Variants in IL5RA observed in about 807,000 individuals in gnomAD.
IL5RA encodes the protein interleukin-5 receptor subunit alpha.
A neutral mutation model predicts 50.0 loss-of-function variants in IL5RA; 49 were observed. The ratio of observed to expected loss-of-function variants is 0.98; its 90% CI spans 0.78 to 1.24. The LOEUF (loss-of-function observed/expected upper bound fraction) is 1.24, where lower values mean the gene tolerates loss of function less well. Ranked by LOEUF, IL5RA falls within the 50% of genes most tolerant of loss-of-function variation. The pLI, the probability that IL5RA is intolerant of heterozygous loss-of-function variation, is 0.00. For missense variants in IL5RA, 600 were observed against 500.4 expected (o/e 1.20, Z -1.90); for synonymous variants, 202 against 174.0 (o/e 1.16, Z -1.26).
intron 11 of IL5RA, among the ~76,000 whole-genome samples, chr3:3,073,141 A>G (rs1224866685): frequency 6.6e-6 from 1 of 152,254 alleles, no homozygotes; most frequent in Non-Finnish European, 1.5e-5. Flanking sequence ...TACTTCAGTC[A>G]GCTAGTAACT....
chr3:3,100,562 T>C (rs949025715), intron 5 of IL5RA, among the ~76,000 whole-genome samples: 3 of 152,236 alleles, frequency 2.0e-5, no homozygotes, highest in African/African-American at 7.2e-5. Context: ...CTTATAGTTC[T>C]CATCCAAAGA....
chr3:3,076,476 TA>T, intron 10 of IL5RA, 54 bp downstream of exon 10: 1 of 1,129,346 alleles, frequency 8.9e-7, no homozygotes, highest in Non-Finnish European at 1.3e-6. Context: ...GGTAAGCCTG[TA>T]AAAATGCAGT....
chr3:3,089,688 G>A (rs1046757471), intron 9 of IL5RA, among the ~76,000 whole-genome samples: 5 of 151,790 alleles, frequency 3.3e-5, no homozygotes. Flanking sequence ...GAGTACAGTG[G>A]CGCAATCTTG....
rs1384097028 is a variant in IL5RA, at chr3:3,095,376, T to C, written c.778A>G (p.Lys260Glu). The C allele has an allele frequency of 2.5e-6, 4 of 1,610,172 alleles. No homozygotes were observed. In the African/African-American group the frequency reaches 5.3e-5, roughly 22 times the overall value. ...TGGATTGGAAAAGCAGACACTGGTT[T>C]CTCCCATTGGATAGAGAGACGAGTT... ...EGTRLSIQWE[K>E]PVSAFPIHCF... Residue 260 changes from lysine to glutamate, a missense_variant, in exon 8 of 12, where the codon AAA becomes GAA. Transcript: ENST00000446632.
intron 2 of IL5RA, among the ~76,000 whole-genome samples, chr3:3,106,420 A>G (rs1703923862): frequency 6.6e-6 from 1 of 152,174 alleles, no homozygotes; most frequent in Non-Finnish European, 1.5e-5. Context: ...AAATGCCAAA[A>G]CAGCAGGAAA....
chr3:3,080,331 GC>G (rs1238386096), intron 9 of IL5RA, among the ~76,000 whole-genome samples: 1 of 152,190 alleles, frequency 6.6e-6, no homozygotes, highest in Non-Finnish European at 1.5e-5. Context: ...GAGTAAGTCA[GC>G]CCAGGCCACA....
rs1363063764 is a variant in IL5RA at position 3,066,600 on chromosome 3, C to T, written c.*3625G>A. ...GATTGTTTTCAGTTCTCTGTTCTCA[C>T]TTCCAGATATCTACTTTTTCTTTAA... is the stretch of plus-strand genomic sequence containing the variant. On this transcript the variant is annotated 3_prime_UTR_variant, in exon 12 of 12. Coordinates refer to ENST00000446632, the MANE Select transcript of IL5RA (RefSeq NM_175726.4). 1 of 152,234 alleles carries T rather than the reference C, an allele frequency of 6.6e-6. No individual in the cohort carries two copies. Among genetic ancestry groups the T allele is most frequent in the African/African-American group, 2.4e-5 (1 of 41,458 alleles). 9.4% of individuals were successfully genotyped at this position (152,234 alleles called of 1,614,324 possible). A position where few individuals can be genotyped will look rare whatever the true frequency, so the allele number is the denominator to read the frequency against.
At chr3:3,084,703 G>C (rs1702789968) in intron 9 of IL5RA, among the ~76,000 whole-genome samples, 1 of 152,224 alleles carries the variant, frequency 6.6e-6, no homozygotes, top group Non-Finnish European at 1.5e-5. Flanking sequence ...AAGAACCCAG[G>C]TGTGGAGCCA....
intron 5 of IL5RA, among the ~76,000 whole-genome samples, chr3:3,100,695 T>TA (rs1162397992): frequency 6.6e-6 from 1 of 152,186 alleles, no homozygotes; most frequent in East Asian, 1.9e-4. Flanking sequence ...GCCTCATAGG[T>TA]AAAATCCAGT....
At chr3:3,080,211 C>T (rs1040149165) in intron 9 of IL5RA, among the ~76,000 whole-genome samples, 8 of 152,216 alleles carry the variant, frequency 5.3e-5, no homozygotes, top group African/African-American at 1.9e-4. Flanking sequence ...TGCTCAGATA[C>T]TGTGTAAAGT....
intron 2 of IL5RA, among the ~76,000 whole-genome samples, chr3:3,107,862 T>A (rs1575015890): frequency 6.6e-6 from 1 of 152,226 alleles, no homozygotes; most frequent in Non-Finnish European, 1.5e-5. Context: ...TAGCAGTGGA[T>A]TTCCCCAGCG....
chr3:3,094,581 A>T (rs934628676), intron 8 of IL5RA, among the ~76,000 whole-genome samples: 1 of 152,164 alleles, frequency 6.6e-6, no homozygotes. Context: ...GTGTACAAAC[A>T]TCTCTTTGAA....
At position 3,092,333 on chromosome 3, in the gene IL5RA, G is replaced by C. The variant is rs1204860809; in HGVS notation, c.885C>G (p.Ile295Met). ...QIEKLMTNAFISIIDDLSKYD... is the reference protein window; with the variant it reads ...QIEKLMTNAFMSIIDDLSKYD... The stretch of plus-strand genomic sequence containing the variant: ...ACTTAGAAAGATCATCAATTATTGA[G>C]ATGAATGCATTGGTCATCAATTTTT... Residue 295 changes from isoleucine (I) to methionine (M), a missense_variant, in exon 9 of 12, where the codon ATC becomes ATG. Ile to Met is a conservative substitution (Grantham distance 10). Coordinates refer to ENST00000446632, the MANE Select transcript of IL5RA (RefSeq NM_175726.4). The surrounding 1 kb of genome is among the most constrained non-coding windows in gnomAD (Gnocchi z 4.2). 2 of 1,613,712 alleles carry C rather than the reference G, an allele frequency of 1.2e-6. No homozygotes were observed. Among genetic ancestry groups the C allele is most frequent in the South Asian group, 2.2e-5 (2 of 91,078 alleles).
At chr3:3,072,905 C>G (rs1335974581) in intron 11 of IL5RA, among the ~76,000 whole-genome samples, 1 of 152,104 alleles carries the variant, frequency 6.6e-6, no homozygotes, top group East Asian at 1.9e-4. Context: ...AAGCGAGACT[C>G]CATCTCAAAC....
chr3:3,086,366 A>G (rs948224386), intron 9 of IL5RA, among the ~76,000 whole-genome samples: 1 of 152,214 alleles, frequency 6.6e-6, no homozygotes, highest in African/African-American at 2.4e-5. Flanking sequence ...CAGGAAACAA[A>G]AGGTTTCGAT....
intron 5 of IL5RA, among the ~76,000 whole-genome samples, chr3:3,099,868 C>A (rs573397657): frequency 6.6e-6 from 1 of 152,110 alleles, no homozygotes; most frequent in South Asian, 2.1e-4. Flanking sequence ...CGGGGTTTCA[C>A]CATGTTGGCC....
At chr3:3,083,245 A>G (rs1044795932) in intron 9 of IL5RA, among the ~76,000 whole-genome samples, 25 of 152,134 alleles carry the variant, frequency 1.6e-4, no homozygotes, top group African/African-American at 6.0e-4. Flanking sequence ...TGTCAAATGG[A>G]CTGTGGGAGG....
At chr3:3,106,937 CA>C (rs1703950922) in intron 2 of IL5RA, among the ~76,000 whole-genome samples, 2 of 151,982 alleles carry the variant, frequency 1.3e-5, no homozygotes. Flanking sequence ...TTATCCTTTG[CA>C]ATTAAATTGT....
At chr3:3,077,155 C>T (rs1702513467) in intron 9 of IL5RA, among the ~76,000 whole-genome samples, 1 of 152,172 alleles carries the variant, frequency 6.6e-6, no homozygotes, top group South Asian at 2.1e-4. Flanking sequence ...CTTCAAAGCA[C>T]CCCTTACCAT....
Sources: allele counts gnomAD v4.1 joint callset (sites outside exome capture counted in the v4.1 genomes callset), GRCh38; gene constraint gnomAD v4.1.1; non-coding constraint Gnocchi (gnomAD v3.1); transcripts MANE v1.5; gene names NCBI Gene and HGNC (gene_info 2026-07-23, HGNC 2026-07-21).